The following WRN variants were observed in gnomAD, a reference collection of about 807,000 sequenced individuals.
The protein encoded by WRN is bifunctional 3'-5' exonuclease/ATP-dependent helicase WRN.
In WRN, 149 loss-of-function variants were observed where a neutral mutation model predicts 180.7. The observed-to-expected ratio is 0.82, with a 90% CI of 0.72 to 0.94. WRN has a LOEUF of 0.94. Among genes scored for constraint, WRN ranks in the 40% least tolerant of loss-of-function variants. The pLI is 0.00. For synonymous variants in WRN, 548 were observed against 568.9 expected, an observed-to-expected ratio of 0.96 and a Z score of 0.52; for missense variants, 1,661 against 1,700.1, an observed-to-expected ratio of 0.98 and a Z score of 0.40.
intron 1 of WRN, among the ~76,000 whole-genome samples, chr8:31,054,836 A>C (rs528205343): frequency 1.4e-4 from 21 of 152,290 alleles, no homozygotes; most frequent in African/African-American, 4.3e-4. Context: ...GCACCTATCA[A>C]TCTGTCACCT....
At chr8:31,075,126 G>A (rs926239432) in intron 7 of WRN, among the ~76,000 whole-genome samples, 4 of 152,180 alleles carry the variant, frequency 2.6e-5, no homozygotes, top group African/African-American at 9.7e-5. Context: ...AGGAATAGTA[G>A]TGGAGTGAAA....
rs34417160 is a variant in WRN, at chr8:31,174,181, T to TTACC, written c.*1080_*1083dup. Among the ~76,000 whole-genome samples, 339 of 152,388 alleles carry TTACC rather than the reference T, an allele frequency of 2.2e-3. 2 individuals are homozygous for TTACC. Among genetic ancestry groups the TTACC allele is most frequent in the African/African-American group, 7.5e-3 (312 of 41,594 alleles). On this transcript the variant is annotated 3_prime_UTR_variant, in exon 35 of 35. Coordinates refer to ENST00000298139, the MANE Select transcript of WRN (RefSeq NM_000553.6). Reference sequence around the variant, plus strand: ...TATATTCCCATTTTTCTGCATTGCATTACCAGAAGGTAGTGGCGCCTATTA... The same window carrying TTACC: ...TATATTCCCATTTTTCTGCATTGCATTACCTACCAGAAGGTAGTGGCGCCTATTA...
At chr8:31,085,114 G>A in intron 10 of WRN, 52 bp from the exon 11 acceptor site, 1 of 1,581,642 alleles carries the variant, frequency 6.3e-7, no homozygotes. Context: ...GCAGAAAAGA[G>A]GATATGAAGT....
At chr8:31,118,602 A>C (rs1024578279) in intron 20 of WRN, among the ~76,000 whole-genome samples, 5 of 152,002 alleles carry the variant, frequency 3.3e-5, no homozygotes, top group African/African-American at 1.2e-4. Flanking sequence ...TACAGTTGTT[A>C]TATACCTTAG....
intron 24 of WRN, among the ~76,000 whole-genome samples, chr8:31,141,163 A>G (rs1585513821): frequency 6.6e-6 from 1 of 152,288 alleles, no homozygotes; most frequent in East Asian, 1.9e-4. Flanking sequence ...TTCCAAACAC[A>G]TATCCAAACC....
chr8:31,109,804 A>C (rs1801235781), intron 18 of WRN, among the ~76,000 whole-genome samples: 1 of 152,206 alleles, frequency 6.6e-6, no homozygotes, highest in African/African-American at 2.4e-5. Flanking sequence ...ACATCTAGTA[A>C]GTGGCAAAAA....
chr8:31,139,430 A>G (rs1374721325), intron 24 of WRN, among the ~76,000 whole-genome samples: 1 of 152,228 alleles, frequency 6.6e-6, no homozygotes, highest in Non-Finnish European at 1.5e-5. Flanking sequence ...ATTACTAGGT[A>G]TTAAATGGCT....
intron 9 of WRN, 123 bp from the exon 10 acceptor site, chr8:31,083,576 T>G: frequency 1.7e-6 from 1 of 596,824 alleles, no homozygotes; most frequent in Non-Finnish European, 3.0e-6. Context: ...AAATATATAT[T>G]ATATATCCAT....
intron 1 of WRN, among the ~76,000 whole-genome samples, chr8:31,046,646 T>A (rs1488479413): frequency 2.6e-5 from 4 of 152,226 alleles, no homozygotes; most frequent in Non-Finnish European, 5.9e-5. Flanking sequence ...ACCTTCTCTT[T>A]AGCTGTCTTT....
chr8:31,131,906 G>A (rs568189223), intron 23 of WRN: 1 of 162,976 alleles, frequency 6.1e-6, no homozygotes, highest in African/African-American at 2.4e-5. Flanking sequence ...AGGACCAGGA[G>A]TGGCAGAAGA....
rs575780411 is a variant in WRN at position 31,148,787 on chromosome 8, A to AT, written c.3572+1318dup. 1.6e-4 allele frequency among the ~76,000 whole-genome samples: 24 copies of AT among 152,244 alleles called. No homozygotes were observed. In the East Asian group the frequency reaches 2.5e-3, roughly 16 times the overall value. The stretch of plus-strand genomic sequence containing the variant: ...CACTTACCACACAATGCTATATTTT[A>AT]TTTTTTTGTAATTAGTGGTAAACAA... On this transcript the variant is annotated intron_variant, in intron 30 of 34. Coordinates refer to ENST00000298139, the MANE Select transcript of WRN (RefSeq NM_000553.6).
At chr8:31,137,345 T>G (rs2553280) in intron 24 of WRN, among the ~76,000 whole-genome samples, 50,769 of 151,834 alleles carry the variant, frequency 0.33, 9,486 homozygotes, top group East Asian at 0.62. Context: ...AAGCCAGAAG[T>G]GTAATTTTTA....
intron 30 of WRN, among the ~76,000 whole-genome samples, chr8:31,149,907 T>A (rs1053578966): frequency 1.3e-5 from 2 of 152,234 alleles, no homozygotes; most frequent in Non-Finnish European, 2.9e-5. Flanking sequence ...TTGGCAGATA[T>A]ACTGTTACAG....
chr8:31,157,448 C>G lies in WRN; in HGVS notation c.3900C>G (p.Pro1300=), dbSNP rs138886038. The change falls in exon 33 of 35, where the codon CCC becomes CCG. Residue 1300 remains proline, a synonymous_variant. Coordinates refer to ENST00000298139, the MANE Select transcript of WRN (RefSeq NM_000553.6). ...HLSQAVKAGC[P]LDLERAGLTP... is the part of the protein sequence containing the mutation. The stretch of plus-strand genomic sequence containing the variant: ...CCCAAGCGGTGAAAGCTGGCTGCCC[C>G]CTTGATTTGGAGCGAGCAGGCCTGA... 1.2e-6 allele frequency: 2 copies of G among 1,614,072 alleles called. No homozygotes were observed. Among genetic ancestry groups the G allele is most frequent in the South Asian group, 1.1e-5 (1 of 91,074 alleles).
rs539454628 is a variant in WRN, at chr8:31,119,032, C to G, written c.2449-1211C>G. Among the ~76,000 whole-genome samples, 3 of 152,010 alleles carry G rather than the reference C, an allele frequency of 2.0e-5. No homozygotes were observed. In the South Asian group the frequency reaches 6.2e-4, roughly 32 times the overall value. ...GAATTATTATTGTGTTGCTTATTGA[C>G]TCTTACATATATCAAAAAATTGCTG... On this transcript the variant is annotated intron_variant, in intron 20 of 34. Transcript: ENST00000298139.
intron 22 of WRN, 103 bp from the exon 23 acceptor site, chr8:31,124,805 C>A: frequency 7.8e-7 from 1 of 1,279,696 alleles, no homozygotes. Flanking sequence ...AATGAAGTCC[C>A]AAGTGAATCA....
intron 20 of WRN, among the ~76,000 whole-genome samples, chr8:31,119,209 G>C (rs978294581): frequency 6.9e-6 from 1 of 145,966 alleles, no homozygotes; most frequent in African/African-American, 2.5e-5. Flanking sequence ...TCTTCCTTTC[G>C]TATTCCTGGT....
intron 1 of WRN, among the ~76,000 whole-genome samples, chr8:31,053,493 A>G (rs7840233): frequency 2.6e-4 from 40 of 152,340 alleles, no homozygotes; most frequent in African/African-American, 8.7e-4. Context: ...GAGCTATTTT[A>G]TTACTGATTA....
rs755249893 is a variant in WRN at position 31,120,316 on chromosome 8, C to T, written c.2522C>T (p.Ala841Val). 1.9e-6 allele frequency: 3 copies of T among 1,612,988 alleles called. No individual in the cohort carries two copies. Among genetic ancestry groups the T allele is most frequent in the South Asian group, 1.1e-5 (1 of 91,050 alleles). ...ADIRQVIHYGAPKDMESYYQE... is the reference protein window; with the variant it reads ...ADIRQVIHYGVPKDMESYYQE... ...ATTCGCCAAGTCATTCATTACGGTG[C>T]TCCTAAGGACATGGAATCATATTAT... is the stretch of plus-strand genomic sequence containing the variant. Residue 841 changes from alanine (A) to valine (V), a missense_variant, in exon 21 of 35, where the codon GCT becomes GTT. Transcript: ENST00000298139.
Sources: gnomAD v4.1 joint callset for allele counts (sites outside exome capture counted in the v4.1 genomes callset) on GRCh38, gnomAD v4.1.1 for gene constraint, MANE v1.5 for transcripts, NCBI Gene and HGNC (gene_info 2026-07-23, HGNC 2026-07-21) for gene names.